WDPCP: variants seen among roughly 807,000 people sequenced by gnomAD.
The protein encoded by WDPCP is WD repeat containing planar cell polarity effector, also known as WD repeat-containing and planar cell polarity effector protein fritz homolog.
A neutral mutation model predicts 93.1 loss-of-function variants in WDPCP; 71 were observed. The observed-to-expected ratio is 0.76, with a 90% confidence interval of 0.63 to 0.93. WDPCP has a LOEUF of 0.93. WDPCP is among the 40% of genes least tolerant of loss of function. WDPCP has a pLI of 0.00. For synonymous variants in WDPCP, 315 were observed against 315.0 expected, an observed-to-expected ratio of 1.00 and a Z score of 0.00; for missense variants, 844 against 887.4, an observed-to-expected ratio of 0.95 and a Z score of 0.62.
At chr2:63,245,189 G>C (rs983193723) in intron 14 of WDPCP, among the ~76,000 whole-genome samples, 1 of 152,088 alleles carries the variant, frequency 6.6e-6, no homozygotes, top group Non-Finnish European at 1.5e-5. Context: ...ACCCACAAAG[G>C]TTAATAAAAT....
At chr2:63,631,940 T>G (rs1319740873) in intron 3 of WDPCP, among the ~76,000 whole-genome samples, 1 of 152,234 alleles carries the variant, frequency 6.6e-6, no homozygotes, top group Non-Finnish European at 1.5e-5. Context: ...CACTGGCATC[T>G]TTCATTATTG....
upstream of WDPCP, chr2:63,589,344 A>G (rs1251234820): frequency 4.5e-6 from 7 of 1,550,432 alleles, no homozygotes; most frequent in Admixed American, 2.0e-5. Flanking sequence ...CGCTGCAGCT[A>G]TTTTCCAAAG....
intron 12 of WDPCP, among the ~76,000 whole-genome samples, chr2:63,326,864 C>G (rs545426645): frequency 6.6e-6 from 1 of 152,196 alleles, no homozygotes; most frequent in South Asian, 2.1e-4. Flanking sequence ...CCTTTAAAAG[C>G]CAGGTAAATT....
chr2:63,812,632 C>T (rs1446194191), intron 2 of WDPCP, among the ~76,000 whole-genome samples: 4 of 152,080 alleles, frequency 2.6e-5, no homozygotes, highest in Non-Finnish European at 4.4e-5. Flanking sequence ...TTTGCAGCCT[C>T]GTGAGACCTT....
chr2:63,299,166 A>G (rs1274021759), intron 13 of WDPCP, among the ~76,000 whole-genome samples: 1 of 152,234 alleles, frequency 6.6e-6, no homozygotes, highest in African/African-American at 2.4e-5. Context: ...GTTTTCCACC[A>G]TAGTAGCCAC....
At chr2:63,795,263 G>C (rs780741102) in intron 2 of WDPCP, among the ~76,000 whole-genome samples, 1 of 152,138 alleles carries the variant, frequency 6.6e-6, no homozygotes, top group African/African-American at 2.4e-5. Flanking sequence ...CTGTTTTCAC[G>C]CTGAGAGGAT....
At chr2:63,543,772 A>C (rs983388630) in intron 1 of WDPCP, among the ~76,000 whole-genome samples, 4 of 152,088 alleles carry the variant, frequency 2.6e-5, no homozygotes, top group African/African-American at 7.2e-5. Flanking sequence ...ATGAGATATA[A>C]TATTACAGAA....
intron 2 of WDPCP, among the ~76,000 whole-genome samples, chr2:63,776,655 C>CAAAAAAAAAAAAAAAAAAAAAAAA (rs778768889): frequency 1.9e-5 from 1 of 54,020 alleles, no homozygotes. Flanking sequence ...GGCCCTGTCT[C>CAAAAAAAAAAAAAAAAAAAAAAAA]AAAAAAAAAA....
intron 2 of WDPCP, among the ~76,000 whole-genome samples, chr2:63,489,633 T>C (rs560993458): frequency 3.9e-5 from 6 of 152,186 alleles, no homozygotes; most frequent in African/African-American, 9.6e-5. Context: ...GACAGGGACA[T>C]GTCAAAAAGA....
chr2:63,365,662 G>A (rs1054529605), intron 12 of WDPCP, among the ~76,000 whole-genome samples: 1 of 152,010 alleles, frequency 6.6e-6, no homozygotes, highest in Non-Finnish European at 1.5e-5. Context: ...GGTTCGCTCA[G>A]CCCAAAGTAA....
intron 2 of WDPCP, among the ~76,000 whole-genome samples, chr2:63,661,839 ATTGATGAACAGGACC>A (rs920323566): frequency 2.6e-5 from 4 of 152,186 alleles, no homozygotes; most frequent in Admixed American, 2.0e-4. Context: ...CTGTTCCTTG[ATTGATGAACAGGACC>A]TTGATGAATG....
intron 10 of WDPCP, among the ~76,000 whole-genome samples, chr2:63,382,319 G>A (rs1343382388): frequency 6.6e-6 from 1 of 151,932 alleles, no homozygotes; most frequent in Non-Finnish European, 1.5e-5. Context: ...TTTACTCTTA[G>A]GACCAAGAGC....
intron 6 of WDPCP, among the ~76,000 whole-genome samples, chr2:63,480,163 G>T (rs1171804290): frequency 6.6e-6 from 1 of 151,820 alleles, no homozygotes; most frequent in Non-Finnish European, 1.5e-5. Flanking sequence ...AAAATATTTA[G>T]ATATATACCT....
intron 2 of WDPCP, among the ~76,000 whole-genome samples, chr2:63,812,890 T>A (rs1670882609): frequency 6.6e-6 from 1 of 152,092 alleles, no homozygotes; most frequent in Non-Finnish European, 1.5e-5. Context: ...TTTATTTTTT[T>A]TTTTTTAGAC....
intron 9 of WDPCP, among the ~76,000 whole-genome samples, chr2:63,420,774 C>T (rs6731136): frequency 0.46 from 70,436 of 151,902 alleles, 16,951 homozygotes; most frequent in African/African-American, 0.58. Context: ...TCAACTTATT[C>T]TTTTCAGATT....
chr2:63,455,563 T>TA (rs1303024914), intron 6 of WDPCP, among the ~76,000 whole-genome samples: 1 of 150,250 alleles, frequency 6.7e-6, no homozygotes, highest in African/African-American at 2.5e-5. Flanking sequence ...TCAAAAACAG[T>TA]AAAAAAATAA....
intron 13 of WDPCP, among the ~76,000 whole-genome samples, chr2:63,284,429 A>G (rs1376419772): frequency 1.3e-5 from 2 of 152,204 alleles, no homozygotes; most frequent in Admixed American, 6.5e-5. Context: ...CAACCTCAGC[A>G]TATGATTTTT....
chr2:63,601,020 G>A (rs1011420629), intron 3 of WDPCP, among the ~76,000 whole-genome samples: 17 of 152,178 alleles, frequency 1.1e-4, no homozygotes, highest in African/African-American at 4.1e-4. Flanking sequence ...GAGATACTTT[G>A]TCCTGGTGCC....
chr2:63,706,927 T>C (rs572367308), intron 2 of WDPCP, among the ~76,000 whole-genome samples: 2 of 152,308 alleles, frequency 1.3e-5, no homozygotes, highest in East Asian at 3.9e-4. Context: ...TGAAAATTCT[T>C]TTCTTTAAGA....
Sources: gnomAD v4.1 joint callset for allele counts (sites outside exome capture counted in the v4.1 genomes callset) on GRCh38, gnomAD v4.1.1 for gene constraint, MANE v1.5 for transcripts, NCBI Gene and HGNC (gene_info 2026-07-23, HGNC 2026-07-21) for gene names.